The following RUNX1 variants were observed in gnomAD, a reference collection of about 807,000 sequenced individuals.
RUNX1 encodes RUNX family transcription factor 1, also known as runt-related transcription factor 1.
In RUNX1, 19 loss-of-function variants were observed where a neutral mutation model predicts 42.8. That is an observed-to-expected ratio of 0.44 (90% CI 0.31 to 0.65). The LOEUF (loss-of-function observed/expected upper bound fraction) is 0.65, where lower values mean the gene tolerates loss of function less well. RUNX1 is among the 30% of genes least tolerant of loss of function. The pLI is 0.07. For synonymous variants in RUNX1, 271 were observed against 289.4 expected, an observed-to-expected ratio of 0.94 and a Z score of 0.64; for missense variants, 528 against 672.0, an observed-to-expected ratio of 0.79 and a Z score of 2.37.
intron 3 of RUNX1, 114 bp from the exon 4 acceptor site, chr21:34,887,210 A>C: frequency 8.1e-7 from 1 of 1,238,102 alleles, no homozygotes; most frequent in South Asian, 1.3e-5. Context: ...AGACCAACAT[A>C]CACGTTCAGG....
chr21:34,821,044 C>A (rs766243136), intron 7 of RUNX1, among the ~76,000 whole-genome samples: 1 of 152,194 alleles, frequency 6.6e-6, no homozygotes, highest in African/African-American at 2.4e-5. Flanking sequence ...ACCATTTGGT[C>A]TTGTGGAACA....
At chr21:35,032,290 C>T (rs1037803198) in intron 2 of RUNX1, among the ~76,000 whole-genome samples, 4 of 152,154 alleles carry the variant, frequency 2.6e-5, no homozygotes, top group Non-Finnish European at 5.9e-5. Flanking sequence ...CCTGAAGTGT[C>T]GCTGAAATAG....
At chr21:34,911,059 T>C (rs894019250) in intron 2 of RUNX1, among the ~76,000 whole-genome samples, 2 of 152,164 alleles carry the variant, frequency 1.3e-5, no homozygotes, top group African/African-American at 4.8e-5. Flanking sequence ...TTTATTTAAA[T>C]ATCGCATAAT....
At chr21:34,908,979 A>G (rs1365191722) in intron 2 of RUNX1, among the ~76,000 whole-genome samples, 1 of 152,142 alleles carries the variant, frequency 6.6e-6, no homozygotes, top group Non-Finnish European at 1.5e-5. Context: ...GCTAGGGGTA[A>G]GATGTACAAT....
intron 6 of RUNX1, among the ~76,000 whole-genome samples, chr21:34,838,895 C>T (rs1034416163): frequency 8.0e-4 from 121 of 151,414 alleles, no homozygotes; most frequent in African/African-American, 2.9e-3. Context: ...ATTTACCATA[C>T]CACATGTATA....
Position 34,995,716 on chromosome 21 carries a change from T to C in RUNX1, c.58+53126A>G, listed in dbSNP as rs1601650899. 5.3e-5 allele frequency among the ~76,000 whole-genome samples: 8 copies of C among 152,296 alleles called. 1 individual carries two copies. In the South Asian group the frequency reaches 1.4e-3, roughly 28 times the overall value. Reference sequence around the variant, plus strand: ...TTGGCCTCCCAAAGTGCTGGGATTATAGGCGTGAACCACCATGCCTGGCAT... The same window carrying C: ...TTGGCCTCCCAAAGTGCTGGGATTACAGGCGTGAACCACCATGCCTGGCAT... On this transcript the variant is annotated intron_variant, in intron 2 of 8. Transcript: ENST00000675419.
chr21:34,892,171 G>T (rs2058088051), intron 3 of RUNX1, among the ~76,000 whole-genome samples: 1 of 152,138 alleles, frequency 6.6e-6, no homozygotes, highest in Non-Finnish European at 1.5e-5. Context: ...AATGTATCTT[G>T]CTATGGTTTG....
intron 4 of RUNX1, among the ~76,000 whole-genome samples, chr21:34,885,628 C>A (rs1160646466): frequency 6.6e-6 from 1 of 152,148 alleles, no homozygotes; most frequent in African/African-American, 2.4e-5. Flanking sequence ...AAAATAACCG[C>A]AACAATACTT....
intron 5 of RUNX1, 100 bp downstream of exon 5, chr21:34,880,457 C>G (rs1382374322): frequency 3.6e-6 from 4 of 1,119,660 alleles, no homozygotes; most frequent in Middle Eastern, 2.3e-4. Context: ...TAAGACAGAC[C>G]GAGTTTCTAG....
chr21:34,894,843 A>G (rs1476866902), intron 2 of RUNX1, among the ~76,000 whole-genome samples: 2 of 149,310 alleles, frequency 1.3e-5, no homozygotes, highest in East Asian at 4.1e-4. Flanking sequence ...AGTTCAGGTA[A>G]CTTGCCCAAA....
At chr21:34,826,888 C>T (rs887431910) in intron 7 of RUNX1, among the ~76,000 whole-genome samples, 2 of 152,162 alleles carry the variant, frequency 1.3e-5, no homozygotes, top group African/African-American at 2.4e-5. Context: ...ACTGTATAAC[C>T]GTGAAGGCTG....
chr21:35,021,051 G>T (rs1305715340), intron 2 of RUNX1, among the ~76,000 whole-genome samples: 1 of 152,184 alleles, frequency 6.6e-6, no homozygotes, highest in African/African-American at 2.4e-5. Context: ...TTTCTCAAGA[G>T]AAAATTCCAT....
chr21:34,857,336 A>C (rs1278431380), intron 6 of RUNX1, among the ~76,000 whole-genome samples: 2 of 152,216 alleles, frequency 1.3e-5, no homozygotes, highest in African/African-American at 4.8e-5. Context: ...AGACCGTTAC[A>C]ATCGCATAGA....
chr21:34,893,783 T>TTA (rs1555901243), intron 2 of RUNX1, among the ~76,000 whole-genome samples: 66 of 149,096 alleles, frequency 4.4e-4, no homozygotes, highest in African/African-American at 1.3e-3. Context: ...TTTTTTTTTT[T>TTA]AAAAAAAAAC....
In RUNX1 at chr21:34,979,432, T is replaced by C. The variant is rs530932690; in HGVS notation, c.58+69410A>G. 3.2e-4 allele frequency among the ~76,000 whole-genome samples: 48 copies of C among 152,296 alleles called. No homozygotes were observed. In the South Asian group the frequency reaches 9.8e-3, roughly 31 times the overall value. On this transcript the variant is annotated intron_variant, in intron 2 of 8. Coordinates refer to ENST00000675419, the MANE Select transcript of RUNX1 (RefSeq NM_001754.5). ...TTACAATATTTATTAAAAAAATCTTTCCATAGGTATTTTATCAGGTGCTCT... is the reference window on the plus strand; with the variant it reads ...TTACAATATTTATTAAAAAAATCTTCCCATAGGTATTTTATCAGGTGCTCT...
intron 2 of RUNX1, among the ~76,000 whole-genome samples, chr21:35,047,456 A>C (rs2059404193): frequency 6.7e-6 from 1 of 149,384 alleles, no homozygotes; most frequent in Admixed American, 6.7e-5. Context: ...TTGAAACTTG[A>C]GCTTGGTTAA....
chr21:34,952,421 G>GA (rs961227847), intron 2 of RUNX1, among the ~76,000 whole-genome samples: 3 of 151,664 alleles, frequency 2.0e-5, no homozygotes, highest in Admixed American at 6.6e-5. Flanking sequence ...ATTAAAATTG[G>GA]AAAAAAAATA....
At chr21:34,800,577 A>G (rs549546096) in intron 7 of RUNX1, among the ~76,000 whole-genome samples, 22 of 152,202 alleles carry the variant, frequency 1.4e-4, no homozygotes, top group Non-Finnish European at 2.4e-4. Context: ...GTCAGGACAT[A>G]AAGAAATGAG....
At position 34,901,037 on chromosome 21, in the gene RUNX1, G is replaced by A. The variant is rs2058173402; in HGVS notation, c.59-8074C>T. Among the ~76,000 whole-genome samples the A allele has an allele frequency of 6.6e-6, 1 of 152,196 alleles. No homozygotes were observed. Among genetic ancestry groups the A allele is most frequent in the Non-Finnish European group, 1.5e-5 (1 of 68,038 alleles). The stretch of plus-strand genomic sequence containing the variant: ...TAAAACACAGTAATAGATCAATTCA[G>A]TGAGGGAGCTACTGGTCTAATGGTC... On this transcript the variant is annotated intron_variant, in intron 2 of 8. Transcript: ENST00000675419. This position sits in a 1 kb window ranked among gnomAD's most constrained non-coding sequence, Gnocchi z 4.3.
Sources: gnomAD v4.1 joint callset for allele counts (sites outside exome capture counted in the v4.1 genomes callset) on GRCh38, gnomAD v4.1.1 for gene constraint, Gnocchi (gnomAD v3.1) non-coding constraint, MANE v1.5 for transcripts, NCBI Gene and HGNC (gene_info 2026-07-23, HGNC 2026-07-21) for gene names.